The following EHD4 variants were observed in gnomAD, a reference collection of about 807,000 sequenced individuals.
The protein encoded by EHD4 is EH domain-containing protein 4.
A neutral mutation model predicts 51.0 loss-of-function variants in EHD4; 37 were observed. That is an observed-to-expected ratio of 0.73 (90% CI 0.56 to 0.95). The LOEUF is 0.95. Among genes scored for constraint, EHD4 ranks in the 40% least tolerant of loss-of-function variants. The probability of loss-of-function intolerance (pLI) is 0.00; values close to 1 mark genes in which losing one functional copy is unlikely to be tolerated. For synonymous variants in EHD4, 297 were observed against 317.3 expected, an observed-to-expected ratio of 0.94 and a Z score of 0.68; for missense variants, 632 against 733.1, an observed-to-expected ratio of 0.86 and a Z score of 1.59.
chr15:41,906,491 A>C (rs2067512929), intron 5 of EHD4, among the ~76,000 whole-genome samples: 1 of 152,126 alleles, frequency 6.6e-6, no homozygotes, highest in Non-Finnish European at 1.5e-5. Flanking sequence ...TTCTTCTTGG[A>C]TGCAGGACAA....
At chr15:41,909,190 C>T (rs1024410872) in intron 5 of EHD4, among the ~76,000 whole-genome samples, 1 of 152,264 alleles carries the variant, frequency 6.6e-6, no homozygotes, top group African/African-American at 2.4e-5. Flanking sequence ...CTGCCCAGCA[C>T]CAGCCTTTAA....
intron 2 of EHD4, among the ~76,000 whole-genome samples, chr15:41,943,593 C>A (rs538913275): frequency 4.6e-5 from 7 of 152,332 alleles, no homozygotes; most frequent in South Asian, 4.1e-4. Flanking sequence ...CAGAGCGGTG[C>A]CTTAAACCAA....
intron 4 of EHD4, among the ~76,000 whole-genome samples, chr15:41,911,096 TGCTGGACACA>T (rs926196267): frequency 6.6e-6 from 1 of 152,234 alleles, no homozygotes; most frequent in African/African-American, 2.4e-5. Context: ...TGTGGACACA[TGCTGGACACA>T]GCCAAAAACA....
chr15:41,904,155 C>A (rs951539720), intron 5 of EHD4, among the ~76,000 whole-genome samples: 18 of 152,334 alleles, frequency 1.2e-4, no homozygotes, highest in African/African-American at 4.1e-4. Context: ...GCACACAGAG[C>A]CCCTGTGTCT....
chr15:41,927,524 C>T (rs555550386), intron 3 of EHD4, among the ~76,000 whole-genome samples: 1 of 152,294 alleles, frequency 6.6e-6, no homozygotes, highest in South Asian at 2.1e-4. Flanking sequence ...AAAAAAAATT[C>T]TGCAATATGC....
chr15:41,962,642 C>T (rs970198807), intron 1 of EHD4, among the ~76,000 whole-genome samples: 3 of 151,876 alleles, frequency 2.0e-5, no homozygotes, highest in South Asian at 2.1e-4. Context: ...TTAAAAAGAG[C>T]GCCCGGCCAG....
At chr15:41,962,998 A>G (rs1396040391) in intron 1 of EHD4, among the ~76,000 whole-genome samples, 1 of 152,122 alleles carries the variant, frequency 6.6e-6, no homozygotes, top group Non-Finnish European at 1.5e-5. Context: ...TTTACCCCCA[A>G]CCCCGTGCTC....
At chr15:41,950,451 C>A (rs1211449505) in intron 2 of EHD4, among the ~76,000 whole-genome samples, 2 of 152,228 alleles carry the variant, frequency 1.3e-5, no homozygotes, top group Admixed American at 6.5e-5. Context: ...CTAGGTGTTA[C>A]ATTTTGACCT....
intron 4 of EHD4, among the ~76,000 whole-genome samples, chr15:41,910,246 T>C (rs963304453): frequency 6.6e-6 from 1 of 152,152 alleles, no homozygotes; most frequent in Non-Finnish European, 1.5e-5. Flanking sequence ...CTGGCATCAA[T>C]GGCTGATCAA....
rs1385587615 is a variant in EHD4, at chr15:41,972,424, A to C, written c.71T>G (p.Val24Gly). ...GTAGAGCGAGCGCAGCCCGCCCGTC[A>C]CCGTCTGCACCGCGTCCGCGCCGCC... ...RAGGADAVQT[V>G]TGGLRSLYLR... is the part of the protein sequence containing the mutation. Residue 24 changes from valine (V) to glycine (G), a missense_variant, in exon 1 of 6, where the codon GTG (valine) becomes GGG (glycine). By Grantham distance (109) the Val-to-Gly change is moderately radical. Transcript: ENST00000220325. 6.3e-7 allele frequency: 1 copy of C among 1,598,942 alleles called. No homozygotes were observed. The highest frequency in any genetic ancestry group is 1.4e-5 in the African/African-American group (1 of 73,518).
At position 41,899,109 on chromosome 15, in the gene EHD4, T is replaced by C. The variant is rs2067458958; in HGVS notation, c.*1536A>G. The C allele has an allele frequency of 1.3e-5, 2 of 152,070 alleles. No homozygotes were observed. Among genetic ancestry groups the C allele is most frequent in the African/African-American group, 2.4e-5 (1 of 41,382 alleles). 9.4% of individuals were successfully genotyped at this position (152,070 alleles called of 1,614,324 possible). ...CCTTTTGGAAGACTCAGTGGGACGG[T>C]TCTGATTTCATTCACTTCTGGTGCC... On this transcript the variant is annotated 3_prime_UTR_variant, in exon 6 of 6. Coordinates refer to ENST00000220325, the MANE Select transcript of EHD4 (RefSeq NM_139265.4).
chr15:41,897,971 A>T lies in EHD4; in HGVS notation c.*2674T>A, dbSNP rs1287152115. On this transcript the variant is annotated 3_prime_UTR_variant, in exon 6 of 6. Coordinates refer to ENST00000220325, the MANE Select transcript of EHD4 (RefSeq NM_139265.4). ...TGCCGCCCTGCCGTGTGGGGTAGGG[A>T]GACAGCTGGTGGTGTGGACACATTC... is the stretch of plus-strand genomic sequence containing the variant. 6.6e-6 allele frequency: 1 copy of T among 152,156 alleles called. No homozygotes were observed. Among genetic ancestry groups the T allele is most frequent in the African/African-American group, 2.4e-5 (1 of 41,418 alleles). 9.4% of individuals were successfully genotyped at this position (152,156 alleles called of 1,614,324 possible). A position where few individuals can be genotyped will look rare whatever the true frequency, so the allele number is the denominator to read the frequency against.
chr15:41,918,166 A>C (rs1018626164), intron 4 of EHD4, among the ~76,000 whole-genome samples: 2 of 151,972 alleles, frequency 1.3e-5, no homozygotes, highest in Non-Finnish European at 2.9e-5. Flanking sequence ...CAGAGCACTC[A>C]TGGCAGCATC....
At chr15:41,949,833 T>C (rs995649337) in intron 2 of EHD4, among the ~76,000 whole-genome samples, 2 of 152,172 alleles carry the variant, frequency 1.3e-5, no homozygotes, top group African/African-American at 4.8e-5. Context: ...TAACATCTTA[T>C]TCAAAAGCAG....
chr15:41,953,022 C>G (rs906610158), intron 2 of EHD4, among the ~76,000 whole-genome samples: 2 of 100,770 alleles, frequency 2.0e-5, no homozygotes, highest in African/African-American at 7.0e-5. Flanking sequence ...AAAAAAAAAA[C>G]GACCACGTAA....
intron 4 of EHD4, among the ~76,000 whole-genome samples, chr15:41,915,310 T>G (rs1316375745): frequency 6.6e-6 from 1 of 152,218 alleles, no homozygotes; most frequent in East Asian, 1.9e-4. Context: ...ACTCCTGACC[T>G]CAAGTGATCT....
chr15:41,910,334 A>G (rs1889526302), intron 4 of EHD4, among the ~76,000 whole-genome samples: 2 of 152,158 alleles, frequency 1.3e-5, no homozygotes, highest in African/African-American at 4.8e-5. Context: ...AGACTCTGAG[A>G]TCTCTACAGG....
chr15:41,911,264 G>C (rs1389610216), intron 4 of EHD4, among the ~76,000 whole-genome samples: 2 of 152,208 alleles, frequency 1.3e-5, no homozygotes, highest in Non-Finnish European at 2.9e-5. Context: ...GATGGTCTTG[G>C]AGAGATGACG....
At chr15:41,903,022 C>T (rs1265996879) in intron 5 of EHD4, among the ~76,000 whole-genome samples, 3 of 151,326 alleles carry the variant, frequency 2.0e-5, no homozygotes, top group East Asian at 1.9e-4. Context: ...CTCTGAACTG[C>T]GAGAGTTACC....
Sources: allele counts gnomAD v4.1 joint callset (sites outside exome capture counted in the v4.1 genomes callset), GRCh38; gene constraint gnomAD v4.1.1; transcripts MANE v1.5; gene names NCBI Gene and HGNC (gene_info 2026-07-23, HGNC 2026-07-21).